Variants in DOCK4 observed in about 807,000 individuals in gnomAD.
DOCK4 encodes dedicator of cytokinesis protein 4.
A neutral mutation model predicts 268.1 loss-of-function variants in DOCK4; 97 were observed. That is an observed-to-expected ratio of 0.36 (90% CI 0.31 to 0.43). DOCK4 has a LOEUF of 0.43. Ranked by LOEUF, DOCK4 falls within the 20% of genes least tolerant of loss-of-function variation. The pLI, the probability that DOCK4 is intolerant of heterozygous loss-of-function variation, is 1.00. For synonymous variants in DOCK4, 954 were observed against 887.2 expected, an observed-to-expected ratio of 1.08 and a Z score of -1.34; for missense variants, 2,145 against 2,455.7, an observed-to-expected ratio of 0.87 and a Z score of 2.67.
At chr7:111,932,701 T>C (rs1396576641) in intron 12 of DOCK4, among the ~76,000 whole-genome samples, 1 of 152,144 alleles carries the variant, frequency 6.6e-6, no homozygotes, top group Non-Finnish European at 1.5e-5. Context: ...ATGAAAATTA[T>C]TGATGGGTAT....
chr7:111,775,765 C>G (rs1452656472), intron 36 of DOCK4, among the ~76,000 whole-genome samples: 4 of 152,168 alleles, frequency 2.6e-5, no homozygotes, highest in Non-Finnish European at 5.9e-5. Flanking sequence ...GGGGCAGTGG[C>G]AGTGGCAGTG....
chr7:111,942,437 A>G (rs2134782560), intron 10 of DOCK4, among the ~76,000 whole-genome samples: 1 of 152,252 alleles, frequency 6.6e-6, no homozygotes, highest in South Asian at 2.1e-4. Context: ...TCAAATAATC[A>G]GTATGTCAGC....
At chr7:112,023,176 C>T (rs772523125) in intron 1 of DOCK4, among the ~76,000 whole-genome samples, 20 of 152,170 alleles carry the variant, frequency 1.3e-4, no homozygotes, top group African/African-American at 1.7e-4. Context: ...GATTTGCCCA[C>T]CTTGGCCTCC....
intron 42 of DOCK4, among the ~76,000 whole-genome samples, chr7:111,753,605 G>A (rs570436321): frequency 2.0e-4 from 30 of 152,304 alleles, no homozygotes; most frequent in South Asian, 4.1e-4. Context: ...CTTTGGAGCC[G>A]AACAAATGAA....
intron 1 of DOCK4, among the ~76,000 whole-genome samples, chr7:112,096,030 G>A (rs537409247): frequency 9.9e-5 from 15 of 152,192 alleles, no homozygotes; most frequent in Admixed American, 5.9e-4. Flanking sequence ...CAGAGGCTGC[G>A]GTGTGCTGAG....
At chr7:112,117,294 T>C (rs537781006) in intron 1 of DOCK4, among the ~76,000 whole-genome samples, 1 of 152,384 alleles carries the variant, frequency 6.6e-6, no homozygotes, top group African/African-American at 2.4e-5. Context: ...TATCGTAGTA[T>C]TTGTGTATTT....
chr7:111,896,428 T>C (rs530476038), intron 15 of DOCK4, among the ~76,000 whole-genome samples: 11 of 151,868 alleles, frequency 7.2e-5, no homozygotes, highest in African/African-American at 2.2e-4. Context: ...ATTGAGGTCA[T>C]AGATGTTAGG....
intron 1 of DOCK4, among the ~76,000 whole-genome samples, chr7:112,031,881 G>A (rs1386117959): frequency 3.3e-5 from 5 of 152,060 alleles, no homozygotes; most frequent in Admixed American, 6.5e-5. Flanking sequence ...TACATGCACG[G>A]TACCTTACAA....
intron 1 of DOCK4, among the ~76,000 whole-genome samples, chr7:112,195,599 G>A (rs1313334097): frequency 1.3e-5 from 2 of 151,942 alleles, no homozygotes; most frequent in African/African-American, 2.4e-5. Context: ...CCAGGATCTC[G>A]GTTGGGGCTA....
At chr7:112,052,043 T>C (rs1805405246) in intron 1 of DOCK4, among the ~76,000 whole-genome samples, 1 of 152,184 alleles carries the variant, frequency 6.6e-6, no homozygotes, top group Non-Finnish European at 1.5e-5. Flanking sequence ...GTATAGTATT[T>C]GCATATGACC....
chr7:112,165,644 A>G (rs1204151021), intron 1 of DOCK4, among the ~76,000 whole-genome samples: 1 of 151,930 alleles, frequency 6.6e-6, no homozygotes, highest in Non-Finnish European at 1.5e-5. Context: ...ACACATTCCA[A>G]GATGATAACT....
intron 1 of DOCK4, among the ~76,000 whole-genome samples, chr7:112,006,165 A>C (rs1800845123): frequency 6.6e-6 from 1 of 152,118 alleles, no homozygotes; most frequent in African/African-American, 2.4e-5. Context: ...CTCATCACTT[A>C]TTACCTGTGT....
At chr7:112,090,434 T>C (rs996567157) in intron 1 of DOCK4, among the ~76,000 whole-genome samples, 2 of 152,190 alleles carry the variant, frequency 1.3e-5, no homozygotes, top group African/African-American at 4.8e-5. Flanking sequence ...AAAAAGTCAA[T>C]TCACCTCTAA....
chr7:111,856,612 T>C (rs1307272681), intron 23 of DOCK4, among the ~76,000 whole-genome samples: 1 of 152,178 alleles, frequency 6.6e-6, no homozygotes, highest in Non-Finnish European at 1.5e-5. Flanking sequence ...CCTGAAAAAC[T>C]GTGGAAACTG....
intron 1 of DOCK4, among the ~76,000 whole-genome samples, chr7:112,041,247 G>A (rs1804331527): frequency 6.6e-6 from 1 of 152,148 alleles, no homozygotes; most frequent in Admixed American, 6.6e-5. Flanking sequence ...AGGTGTAGCT[G>A]TCAGAGTAGA....
intron 12 of DOCK4, among the ~76,000 whole-genome samples, chr7:111,932,699 T>C (rs1387006101): frequency 2.0e-5 from 3 of 152,114 alleles, no homozygotes; most frequent in Non-Finnish European, 4.4e-5. Context: ...ATATGAAAAT[T>C]ATTGATGGGT....
At chr7:111,882,506 T>G (rs1807477120) in intron 16 of DOCK4, among the ~76,000 whole-genome samples, 1 of 152,258 alleles carries the variant, frequency 6.6e-6, no homozygotes. Context: ...TTAACTTTAT[T>G]CTTTCGAATT....
chr7:112,205,977 A>G, intron 1 of DOCK4, 125 bp downstream of exon 1: 1 of 1,098,996 alleles, frequency 9.1e-7, no homozygotes, highest in Non-Finnish European at 1.3e-6. Flanking sequence ...GCCCCGTACC[A>G]GCTGCGCGAT....
intron 1 of DOCK4, among the ~76,000 whole-genome samples, chr7:112,198,603 A>T (rs1188178679): frequency 6.6e-6 from 1 of 152,120 alleles, no homozygotes. Flanking sequence ...CTCTTTACTC[A>T]TTTTTATGCC....
Sources: allele counts gnomAD v4.1 joint callset (sites outside exome capture counted in the v4.1 genomes callset), GRCh38; gene constraint gnomAD v4.1.1; transcripts MANE v1.5; gene names NCBI Gene and HGNC (gene_info 2026-07-23, HGNC 2026-07-21).